The following R3HDM1 variants were observed in gnomAD, a reference collection of about 807,000 sequenced individuals.
R3HDM1 encodes the protein R3H domain containing 1, also known as R3H domain-containing protein 1.
Under a neutral mutation model 141.1 loss-of-function variants are expected in R3HDM1, and 46 were observed. That is an observed-to-expected ratio of 0.33 (90% CI 0.26 to 0.42). The LOEUF (loss-of-function observed/expected upper bound fraction) is 0.42. Ranked by LOEUF, R3HDM1 falls within the 10% of genes least tolerant of loss-of-function variation. The pLI, the probability that R3HDM1 is intolerant of heterozygous loss-of-function variation, is 1.00. For missense variants in R3HDM1, 1,184 were observed against 1,368.3 expected, an observed-to-expected ratio of 0.87 and a Z score of 2.12; for synonymous variants, 435 against 472.9, an observed-to-expected ratio of 0.92 and a Z score of 1.04.
chr2:135,677,901 A>T (rs1009143101), intron 20 of R3HDM1, among the ~76,000 whole-genome samples: 4 of 151,552 alleles, frequency 2.6e-5, no homozygotes, highest in African/African-American at 9.7e-5. Context: ...ATGCCTGTAC[A>T]CTCTCTAGTA....
intron 21 of R3HDM1, among the ~76,000 whole-genome samples, chr2:135,686,858 C>G (rs1334151379): frequency 6.6e-6 from 1 of 152,154 alleles, no homozygotes; most frequent in Admixed American, 6.5e-5. Flanking sequence ...GTAAAATAAG[C>G]CAGTCACAGG....
intron 19 of R3HDM1, among the ~76,000 whole-genome samples, chr2:135,672,289 A>G (rs189976252): frequency 1.9e-4 from 29 of 152,228 alleles, no homozygotes; most frequent in Admixed American, 1.8e-3. Context: ...TCACTCTTCT[A>G]TGTGTAAAAC....
intron 1 of R3HDM1, among the ~76,000 whole-genome samples, chr2:135,549,785 A>T (rs1699503563): frequency 6.6e-6 from 1 of 152,172 alleles, no homozygotes; most frequent in Non-Finnish European, 1.5e-5. Flanking sequence ...TTTACGGGGT[A>T]ATGAAAAAGT....
In R3HDM1 at chr2:135,621,624, G is replaced by GTT; in HGVS notation, c.418+24_418+25dup. 1.3e-6 allele frequency: 2 copies of GTT among 1,506,750 alleles called. No individual in the cohort carries two copies. Among genetic ancestry groups the GTT allele is most frequent in the Non-Finnish European group, 1.8e-6 (2 of 1,126,076 alleles). 93.3% of individuals were successfully genotyped at this position (1,506,750 alleles called of 1,614,324 possible). On this transcript the variant is annotated intron_variant, in intron 6 of 26. Coordinates refer to ENST00000683871, the MANE Select transcript of R3HDM1 (RefSeq NM_001378107.1). ...TTATCAAGAGGTTTGCAGTTCTTTTGTTTTTTTTTAAAAAAAAATTTTGCT... is the reference window on the plus strand; with the variant it reads ...TTATCAAGAGGTTTGCAGTTCTTTTGTTTTTTTTTTTAAAAAAAAATTTTGCT...
intron 3 of R3HDM1, among the ~76,000 whole-genome samples, chr2:135,610,404 A>G (rs1053375754): frequency 4.6e-5 from 7 of 152,234 alleles, no homozygotes; most frequent in African/African-American, 7.2e-5. Context: ...GCCAGAGTCA[A>G]TGAATAGCTC....
chr2:135,678,066 G>C (rs1451945368), intron 20 of R3HDM1, among the ~76,000 whole-genome samples: 1 of 152,140 alleles, frequency 6.6e-6, no homozygotes, highest in Non-Finnish European at 1.5e-5. Context: ...CCAGGCTCAA[G>C]TGATTCTCAT....
intron 1 of R3HDM1, among the ~76,000 whole-genome samples, chr2:135,553,144 A>G (rs1317868493): frequency 6.6e-6 from 1 of 152,184 alleles, no homozygotes; most frequent in Non-Finnish European, 1.5e-5. Flanking sequence ...CACTGGGATT[A>G]CAGGCATGAG....
intron 21 of R3HDM1, among the ~76,000 whole-genome samples, chr2:135,706,918 C>T (rs1559484685): frequency 6.6e-6 from 1 of 152,036 alleles, no homozygotes; most frequent in African/African-American, 2.4e-5. Context: ...GGGTGGTGGC[C>T]GGGCAGAGGG....
In R3HDM1 at chr2:135,643,697, A is replaced by T. The variant is rs578074143; in HGVS notation, c.1475-1682A>T. 5.3e-5 allele frequency among the ~76,000 whole-genome samples: 8 copies of T among 152,364 alleles called. No homozygotes were observed. The East Asian group carries it at 1.3e-3, about 26-fold the overall frequency. ...TATGGGGAATTCCACAATAGCAAAG[A>T]CATGGAATCAACCTAAATGCCCATC... On this transcript the variant is annotated intron_variant, in intron 15 of 26. Coordinates refer to ENST00000683871, the MANE Select transcript of R3HDM1 (RefSeq NM_001378107.1).
At chr2:135,584,378 G>C in intron 1 of R3HDM1, 3 of 939,302 alleles carry the variant, frequency 3.2e-6, no homozygotes, top group Non-Finnish European at 3.8e-6. Context: ...GGATTTATTT[G>C]AAAGTTTTCA....
intron 1 of R3HDM1, among the ~76,000 whole-genome samples, chr2:135,590,954 TC>T (rs1709130139): frequency 2.0e-5 from 3 of 152,302 alleles, no homozygotes; most frequent in Admixed American, 2.0e-4. Flanking sequence ...AGGGCTGTGA[TC>T]CTTTGTTAGA....
intron 21 of R3HDM1, among the ~76,000 whole-genome samples, chr2:135,688,185 T>C (rs1281532745): frequency 6.6e-6 from 1 of 152,238 alleles, no homozygotes. Flanking sequence ...TTTGGGTTTT[T>C]GTTTGAAATG....
chr2:135,541,383 TA>T (rs1446869010), intron 1 of R3HDM1, among the ~76,000 whole-genome samples: 1 of 152,130 alleles, frequency 6.6e-6, no homozygotes, highest in East Asian at 1.9e-4. Context: ...AATTTTTTTT[TA>T]TTTTTAGTAG....
Position 135,715,700 on chromosome 2 carries a change from T to C in R3HDM1, c.2881+6T>C, listed in dbSNP as rs779321579. On this transcript the variant is annotated splice_donor_region_variant and intron_variant, in intron 24 of 26. Transcript: ENST00000683871. ...ACCTTTTGTCCCCGGGCAAGGTAAG[T>C]GCACATGAAACTAGTCACAACTTCA... 4 of 1,609,748 alleles carry C rather than the reference T, an allele frequency of 2.5e-6. No homozygotes were observed. The East Asian group carries it at 8.9e-5, about 36-fold the overall frequency.
At chr2:135,697,530 GTA>G (rs1369520080) in intron 21 of R3HDM1, among the ~76,000 whole-genome samples, 1 of 152,176 alleles carries the variant, frequency 6.6e-6, no homozygotes, top group African/African-American at 2.4e-5. Context: ...GAATGTGTAA[GTA>G]TATTTTGATG....
intron 1 of R3HDM1, among the ~76,000 whole-genome samples, chr2:135,546,353 C>T (rs1387785259): frequency 6.6e-6 from 1 of 152,136 alleles, no homozygotes; most frequent in Non-Finnish European, 1.5e-5. Context: ...CTCTTCCCTT[C>T]CCTTCCTCTC....
intron 1 of R3HDM1, among the ~76,000 whole-genome samples, chr2:135,559,675 A>T (rs916449932): frequency 2.0e-5 from 3 of 152,178 alleles, no homozygotes; most frequent in Non-Finnish European, 4.4e-5. Context: ...CCAACTATTT[A>T]CTACTGTCTG....
rs2061513811 is a variant in R3HDM1 at position 135,621,609 on chromosome 2, G to A, written c.418+1G>A. On this transcript the variant is annotated splice_donor_variant, in intron 6 of 26. Transcript: ENST00000683871. LOFTEE classifies it high-confidence loss of function. Reference sequence around the variant, plus strand: ...TTGCCCAGAAAAATGTTATCAAGAGGTTTGCAGTTCTTTTGTTTTTTTTTA... The same window carrying A: ...TTGCCCAGAAAAATGTTATCAAGAGATTTGCAGTTCTTTTGTTTTTTTTTA... 1.3e-6 allele frequency: 2 copies of A among 1,551,732 alleles called. No individual in the cohort carries two copies. Among genetic ancestry groups the A allele is most frequent in the African/African-American group, 1.5e-5 (1 of 67,094 alleles).
intron 21 of R3HDM1, among the ~76,000 whole-genome samples, chr2:135,689,232 T>C (rs981159700): frequency 3.3e-5 from 5 of 152,186 alleles, no homozygotes; most frequent in East Asian, 3.8e-4. Flanking sequence ...CAAGTAGCTA[T>C]AGCCCAGTAA....
Sources: gnomAD v4.1 joint callset for allele counts (sites outside exome capture counted in the v4.1 genomes callset) on GRCh38, gnomAD v4.1.1 for gene constraint, MANE v1.5 for transcripts, NCBI Gene and HGNC (gene_info 2026-07-23, HGNC 2026-07-21) for gene names.